Variants in NEDD1 observed in about 807,000 individuals in gnomAD.
NEDD1 encodes NEDD1 gamma-tubulin ring complex targeting factor, also known as protein NEDD1.
In NEDD1, 33 loss-of-function variants were observed where a neutral mutation model predicts 74.0. That is an observed-to-expected ratio of 0.45 (90% CI 0.34 to 0.60). The LOEUF is 0.60. NEDD1 is among the 20% of genes least tolerant of loss of function. NEDD1 has a pLI of 0.01. For synonymous variants in NEDD1, 250 were observed against 264.4 expected (o/e 0.95, Z 0.53); for missense variants, 746 against 776.5 (o/e 0.96, Z 0.47).
At chr12:96,910,432 A>G (rs1038417994) in intron 3 of NEDD1, among the ~76,000 whole-genome samples, 3 of 152,174 alleles carry the variant, frequency 2.0e-5, no homozygotes, top group Admixed American at 1.3e-4. Context: ...CATTTCCTAA[A>G]CAGACATAGT....
chr12:96,930,716 A>AC (rs1249636306), intron 6 of NEDD1, among the ~76,000 whole-genome samples: 6 of 152,102 alleles, frequency 3.9e-5, no homozygotes, highest in Admixed American at 2.6e-4. Flanking sequence ...AGGCAGTGGG[A>AC]CCCCTTCCAA....
intron 4 of NEDD1, among the ~76,000 whole-genome samples, chr12:96,914,809 A>G (rs529646025): frequency 6.6e-6 from 1 of 152,312 alleles, no homozygotes; most frequent in African/African-American, 2.4e-5. Context: ...ATAACCACAC[A>G]ATTTCCATTA....
At chr12:96,923,788 T>TGTG (rs1875373530) in intron 6 of NEDD1, among the ~76,000 whole-genome samples, 12 of 142,360 alleles carry the variant, frequency 8.4e-5, no homozygotes, top group East Asian at 2.1e-4. Flanking sequence ...TAATACCTGT[T>TGTG]TGTGTGTGTG....
chr12:96,943,039 A>G (rs954664763), intron 11 of NEDD1, among the ~76,000 whole-genome samples: 3 of 152,104 alleles, frequency 2.0e-5, no homozygotes, highest in African/African-American at 7.2e-5. Context: ...GATTATGTTA[A>G]TAACCTTAAT....
chr12:96,938,594 G>A (rs1416875042), intron 9 of NEDD1, among the ~76,000 whole-genome samples: 1 of 152,008 alleles, frequency 6.6e-6, no homozygotes, highest in East Asian at 1.9e-4. Flanking sequence ...ATGGATTAAC[G>A]ATAACTCTTG....
chr12:96,928,756 G>T (rs1179862956), intron 6 of NEDD1, among the ~76,000 whole-genome samples: 1 of 149,110 alleles, frequency 6.7e-6, no homozygotes, highest in Non-Finnish European at 1.5e-5. Flanking sequence ...GCACTGTCTG[G>T]GCTCACTGCA....
Position 96,934,341 on chromosome 12 carries a change from G to T in NEDD1, c.490-635G>T, listed in dbSNP as rs374767934. ...ATGTATTATATTTTTCCTCTGAAAGGAGAAGATTGAGGTAGCTATACTCCA... is the reference window on the plus strand; with the variant it reads ...ATGTATTATATTTTTCCTCTGAAAGTAGAAGATTGAGGTAGCTATACTCCA... On this transcript the variant is annotated intron_variant, in intron 6 of 15. Coordinates refer to ENST00000266742, the MANE Select transcript of NEDD1 (RefSeq NM_152905.4). Among the ~76,000 whole-genome samples the T allele has an allele frequency of 3.3e-5, 5 of 151,910 alleles. No individual in the cohort carries two copies. In the East Asian group the frequency reaches 9.7e-4, roughly 29 times the overall value.
chr12:96,907,326 A>T lies in NEDD1; in HGVS notation c.-262+26A>T, dbSNP rs966284897. On this transcript the variant is annotated intron_variant, in intron 1 of 15. Coordinates refer to ENST00000266742, the MANE Select transcript of NEDD1 (RefSeq NM_152905.4). ...GTGAGGTTCCGGAGGCCCTGAGGTC[A>T]GCGGGCCCCCGCCCGCCGCGTCCGC... 1.4e-4 allele frequency: 50 copies of T among 363,932 alleles called. 2 individuals are homozygous for T. The highest frequency in any genetic ancestry group is 6.4e-4 in the Admixed American group (13 of 20,378). 22.5% of individuals were successfully genotyped at this position (363,932 alleles called of 1,614,324 possible).
At chr12:96,934,818 G>A (rs996619685) in intron 6 of NEDD1, among the ~76,000 whole-genome samples, 158 bp from the exon 7 acceptor site, 11 of 152,216 alleles carry the variant, frequency 7.2e-5, no homozygotes, top group Admixed American at 3.3e-4. Flanking sequence ...GATTACAGGC[G>A]TGAGCCACCA....
At chr12:96,941,378 A>G (rs533074977) in intron 10 of NEDD1, among the ~76,000 whole-genome samples, 2 of 152,272 alleles carry the variant, frequency 1.3e-5, no homozygotes, top group South Asian at 4.1e-4. Flanking sequence ...GTCAGAAGGA[A>G]TAAATACATA....
chr12:96,907,774 C>T lies in NEDD1; in HGVS notation c.-91C>T. ...CAGGCCGACGTTACCGCCTTGTGTCCTGACTGCTAGCTTTCGACGGGACCG... is the reference window on the plus strand; with the variant it reads ...CAGGCCGACGTTACCGCCTTGTGTCTTGACTGCTAGCTTTCGACGGGACCG... On this transcript the variant is annotated 5_prime_UTR_variant, in exon 2 of 16. Coordinates refer to ENST00000266742, the MANE Select transcript of NEDD1 (RefSeq NM_152905.4). 1 of 1,521,334 alleles carries T rather than the reference C, an allele frequency of 6.6e-7. No homozygotes were observed. The highest frequency in any genetic ancestry group is 1.2e-5 in the South Asian group (1 of 80,590). 94.2% of individuals were successfully genotyped at this position (1,521,334 alleles called of 1,614,324 possible). A position where few individuals can be genotyped will look rare whatever the true frequency, so the allele number is the denominator to read the frequency against.
chr12:96,947,904 G>A (rs1819244175), intron 14 of NEDD1, among the ~76,000 whole-genome samples: 1 of 152,148 alleles, frequency 6.6e-6, no homozygotes, highest in Admixed American at 6.5e-5. Context: ...GGTGGGTAGG[G>A]ACTTCTCTCA....
intron 6 of NEDD1, among the ~76,000 whole-genome samples, chr12:96,932,463 A>AAAAAAATATATATATATAT: frequency 2.1e-4 from 2 of 9,436 alleles, no homozygotes; most frequent in African/African-American, 6.7e-4. Flanking sequence ...AAAAAAAAAA[A>AAAAAAATATATATATATAT]ATATATATAT....
At chr12:96,937,168 T>C (rs751231719) in intron 8 of NEDD1, 30 bp from the exon 9 acceptor site, 15 of 1,327,558 alleles carry the variant, frequency 1.1e-5, no homozygotes, top group African/African-American at 3.0e-5. Context: ...ATTAGTAACC[T>C]GAGCTTTTAA....
chr12:96,912,652 C>G, intron 3 of NEDD1, 71 bp from the exon 4 acceptor site: 1 of 750,162 alleles, frequency 1.3e-6, no homozygotes, highest in Non-Finnish European at 2.4e-6. Flanking sequence ...CTTTTATAAT[C>G]GCAATTCTTA....
chr12:96,923,788 T>TTGTG (rs10528785), intron 6 of NEDD1, among the ~76,000 whole-genome samples: 4,245 of 142,266 alleles, frequency 0.03, 117 homozygotes, highest in Non-Finnish European at 0.035. Flanking sequence ...TAATACCTGT[T>TTGTG]TGTGTGTGTG....
At chr12:96,944,238 T>C (rs1329003645) in intron 12 of NEDD1, among the ~76,000 whole-genome samples, 1 of 152,056 alleles carries the variant, frequency 6.6e-6, no homozygotes, top group Non-Finnish European at 1.5e-5. Context: ...TATGTCTGTA[T>C]TTTCGTATTT....
intron 6 of NEDD1, among the ~76,000 whole-genome samples, chr12:96,934,410 T>C (rs1335698624): frequency 6.6e-6 from 1 of 152,066 alleles, no homozygotes; most frequent in Non-Finnish European, 1.5e-5. Flanking sequence ...GATTGGTATG[T>C]TTCAGGTATT....
At chr12:96,909,934 A>C (rs1187956412) in intron 3 of NEDD1, 39 bp downstream of exon 3, 1 of 1,580,824 alleles carries the variant, frequency 6.3e-7, no homozygotes, top group African/African-American at 1.4e-5. Flanking sequence ...ACACACACAC[A>C]AACCGCTTAT....
Sources: gnomAD v4.1 joint callset for allele counts (sites outside exome capture counted in the v4.1 genomes callset) on GRCh38, gnomAD v4.1.1 for gene constraint, MANE v1.5 for transcripts, NCBI Gene and HGNC (gene_info 2026-07-23, HGNC 2026-07-21) for gene names.